ZNF318: variants seen among roughly 807,000 people sequenced by gnomAD.
The protein encoded by ZNF318 is endocrine regulator.
A neutral mutation model predicts 124.2 loss-of-function variants in ZNF318; 51 were observed. That is an observed-to-expected ratio of 0.41 (90% CI 0.33 to 0.52). The LOEUF is 0.52. Among genes scored for constraint, ZNF318 ranks in the 20% least tolerant of loss-of-function variants. The pLI is 0.23. For synonymous variants in ZNF318, 1,090 were observed against 1,040.7 expected (o/e 1.05, Z -0.91); for missense variants, 2,815 against 2,811.2 (o/e 1.00, Z -0.03).
At position 43,336,840 on chromosome 6, in the gene ZNF318, CTA is replaced by C. The variant is rs1230070919; in HGVS notation, c.*316_*317del. 6.4e-6 allele frequency: 1 copy of C among 156,432 alleles called. No homozygotes were observed. The highest frequency in any genetic ancestry group is 1.4e-5 in the Non-Finnish European group (1 of 70,984). 9.7% of individuals were successfully genotyped at this position (156,432 alleles called of 1,614,324 possible). A position where few individuals can be genotyped will look rare whatever the true frequency, so the allele number is the denominator to read the frequency against. The stretch of plus-strand genomic sequence containing the variant: ...AAAGCCAAAATACAATCAAAGCACA[CTA>C]TGTGGTGAGCCAGTTAGACATGTGA... On this transcript the variant is annotated 3_prime_UTR_variant, in exon 10 of 10. Coordinates refer to ENST00000361428, the MANE Select transcript of ZNF318 (RefSeq NM_014345.3).
Position 43,369,175 on chromosome 6 carries a change from C to T in ZNF318, c.191G>A (p.Arg64His). 8.3e-7 allele frequency: 1 copy of T among 1,208,816 alleles called. No homozygotes were observed. The highest frequency in any genetic ancestry group is 1.0e-6 in the Non-Finnish European group (1 of 973,898). 74.9% of individuals were successfully genotyped at this position (1,208,816 alleles called of 1,614,324 possible). A position where few individuals can be genotyped will look rare whatever the true frequency, so the allele number is the denominator to read the frequency against. Residue 64 changes from arginine (R) to histidine (H), a missense_variant, in exon 1 of 10, where the codon CGC becomes CAC. Arg to His is a conservative substitution (Grantham distance 29). Coordinates refer to ENST00000361428, the MANE Select transcript of ZNF318 (RefSeq NM_014345.3). ...CGGGGACGGCGAGGCCCGGCGGCCG[C>T]GGTGCCCTGAGGGCGAGCGGGGTCG... ...ARRPRSPSGH[R>H]GRRASPSPPR...
chr6:43,342,215 T>C lies in ZNF318; in HGVS notation c.3277-4A>G. The stretch of plus-strand genomic sequence containing the variant: ...GTCTGTTGTAGGGATCCAGTGTCTA[T>C]TTGTAAGAGGCAGAGGTGCTCACAC... On this transcript the variant is annotated splice_region_variant and splice_polypyrimidine_tract_variant and intron_variant, in intron 7 of 9. Coordinates refer to ENST00000361428, the MANE Select transcript of ZNF318 (RefSeq NM_014345.3). 8 of 1,608,356 alleles carry C rather than the reference T, an allele frequency of 5.0e-6. No homozygotes were observed. The highest frequency in any genetic ancestry group is 6.8e-6 in the Non-Finnish European group (8 of 1,177,220).
chr6:43,352,274 A>T (rs1399214158), intron 5 of ZNF318, 103 bp downstream of exon 5: 25 of 940,692 alleles, frequency 2.7e-5, no homozygotes, highest in East Asian at 7.8e-5. Flanking sequence ...TCAAAAAAAA[A>T]TTTTTAATGA....
intron 9 of ZNF318, 124 bp from the exon 10 acceptor site, chr6:43,340,626 G>T: frequency 6.6e-7 from 1 of 1,505,476 alleles, no homozygotes; most frequent in Admixed American, 2.3e-5. Context: ...AAGGACATAC[G>T]GGATGCTATC....
intron 5 of ZNF318, 137 bp from the exon 6 acceptor site, chr6:43,348,762 G>GA: frequency 9.8e-7 from 1 of 1,022,320 alleles, no homozygotes; most frequent in Non-Finnish European, 1.4e-6. Context: ...GGCTAGGCGT[G>GA]GTGGCTCATG....
rs368231307 is a variant in ZNF318, at chr6:43,337,324, A to G, written c.6674T>C (p.Val2225Ala). The part of the protein sequence containing the change: ...ASTTEVAILQ[V>A]DDDSGDPLNL... The stretch of plus-strand genomic sequence containing the variant: ...CAGAGGGTCGCCACTGTCATCATCT[A>G]CTTGCAGAATTGCCACCTCTGTGGT... The change falls in exon 10 of 10, where the codon GTA (valine) becomes GCA (alanine). Residue 2225 changes from valine to alanine, a missense_variant. By Grantham distance (64) the Val-to-Ala change is moderately conservative. This residue lies in a region of ZNF318 where 927 missense variants were observed against 820.6 expected (regional missense o/e 1.13). Transcript: ENST00000361428. The G allele has an allele frequency of 1.2e-6, 2 of 1,614,026 alleles. No individual in the cohort carries two copies. The highest frequency in any genetic ancestry group is 2.2e-5 in the East Asian group (1 of 44,890).
chr6:43,353,398 G>A lies in ZNF318; in HGVS notation c.2671-922C>T, dbSNP rs1322731143. On this transcript the variant is annotated intron_variant, in intron 4 of 9. Coordinates refer to ENST00000361428, the MANE Select transcript of ZNF318 (RefSeq NM_014345.3). ...GAACTTTTTTTTTTTTTTTTGAGATGGAATCTTGCTCTGTTGCCCAGGCTG... is the reference window on the plus strand; with the variant it reads ...GAACTTTTTTTTTTTTTTTTGAGATAGAATCTTGCTCTGTTGCCCAGGCTG... Among the ~76,000 whole-genome samples, 3 of 130,104 alleles carry A rather than the reference G, an allele frequency of 2.3e-5. No individual in the cohort carries two copies. In the South Asian group the frequency reaches 7.4e-4, roughly 32 times the overall value. The allele number at this position is 130,104 out of a possible 152,430, so 85.4% of individuals were successfully genotyped here.
chr6:43,348,748 G>T, intron 5 of ZNF318, 123 bp from the exon 6 acceptor site: 1 of 1,175,848 alleles, frequency 8.5e-7, no homozygotes, highest in Non-Finnish European at 1.2e-6. Flanking sequence ...ACGTTTCTAA[G>T]AGTGGCTAGG....
intron 1 of ZNF318, among the ~76,000 whole-genome samples, chr6:43,368,320 A>G (rs1264932076): frequency 6.6e-6 from 1 of 152,184 alleles, no homozygotes; most frequent in East Asian, 1.9e-4. Context: ...ACAACAAGGA[A>G]TAGTATTAAC....
intron 4 of ZNF318, 124 bp from the exon 5 acceptor site, chr6:43,352,600 C>T (rs942206146): frequency 1.3e-6 from 1 of 791,612 alleles, no homozygotes. Flanking sequence ...TGCACACAGG[C>T]TCTGACCTTA....
intron 5 of ZNF318, among the ~76,000 whole-genome samples, chr6:43,349,950 T>TA (rs1210425040): frequency 6.7e-5 from 10 of 148,864 alleles, no homozygotes; most frequent in African/African-American, 1.7e-4. Context: ...CCCTGTCTCT[T>TA]AAAAAAAAAG....
intron 5 of ZNF318, among the ~76,000 whole-genome samples, chr6:43,351,778 C>T (rs1779526851): frequency 6.7e-6 from 1 of 150,098 alleles, no homozygotes; most frequent in Non-Finnish European, 1.5e-5. Flanking sequence ...AAAAAAAGTT[C>T]AGGAAAAATT....
Position 43,369,542 on chromosome 6 carries a change from G to A in ZNF318, c.-177C>T. Reference sequence around the variant, plus strand: ...TCGCCCCGGGGGCCCGGCCGAGCGCGCCCCCGCGGCTGGCGGTTGGAGGGC... The same window carrying A: ...TCGCCCCGGGGGCCCGGCCGAGCGCACCCCCGCGGCTGGCGGTTGGAGGGC... On this transcript the variant is annotated 5_prime_UTR_variant, in exon 1 of 10. Transcript: ENST00000361428. The A allele has an allele frequency of 3.8e-6, 1 of 266,024 alleles. No individual in the cohort carries two copies. Among genetic ancestry groups the A allele is most frequent in the Non-Finnish European group, 5.8e-6 (1 of 172,810 alleles). 16.5% of individuals were successfully genotyped at this position (266,024 alleles called of 1,614,324 possible). A position where few individuals can be genotyped will look rare whatever the true frequency, so the allele number is the denominator to read the frequency against.
chr6:43,337,002 GT>G lies in ZNF318; in HGVS notation c.*155del, dbSNP rs1779288900. The G allele has an allele frequency of 1.8e-6, 1 of 558,522 alleles. No homozygotes were observed. Among genetic ancestry groups the G allele is most frequent in the Non-Finnish European group, 2.8e-6 (1 of 351,862 alleles). The allele number at this position is 558,522 out of a possible 1,614,324, so 34.6% of individuals were successfully genotyped here. A position where few individuals can be genotyped will look rare whatever the true frequency, so the allele number is the denominator to read the frequency against. Reference sequence around the variant, plus strand: ...AAGGGGAAAGGGAAAAGGAAAGGAGGTAAATTTTTTAGCTTCCATGAACATT... The same window carrying G: ...AAGGGGAAAGGGAAAAGGAAAGGAGGAAATTTTTTAGCTTCCATGAACATT... On this transcript the variant is annotated 3_prime_UTR_variant, in exon 10 of 10. Coordinates refer to ENST00000361428, the MANE Select transcript of ZNF318 (RefSeq NM_014345.3).
Position 43,359,456 on chromosome 6 carries a change from CT to C in ZNF318, c.549-1692del, listed in dbSNP as rs1200697930. On this transcript the variant is annotated intron_variant, in intron 2 of 9. Coordinates refer to ENST00000361428, the MANE Select transcript of ZNF318 (RefSeq NM_014345.3). ...TAAATCACAGATAGAAATAAAGATC[CT>C]CTAGCACTTTATGTATGAAAACTTC... is the stretch of plus-strand genomic sequence containing the variant. Among the ~76,000 whole-genome samples, 4 of 152,100 alleles carry C rather than the reference CT, an allele frequency of 2.6e-5. No homozygotes were observed. In the East Asian group the frequency reaches 7.7e-4, roughly 29 times the overall value.
chr6:43,342,173 G>A lies in ZNF318; in HGVS notation c.3315C>T (p.Thr1105=), dbSNP rs1779380464. ...DPYNRPWASK[T]QSEAKQDAIK... ...TGGCATCTTGCTTGGCCTCACTCTG[G>A]GTCTTTGAAGCCCAAGGTCTGTTGT... Residue 1105 remains threonine, a synonymous_variant, in exon 8 of 10, where the codon ACC becomes ACT. Coordinates refer to ENST00000361428, the MANE Select transcript of ZNF318 (RefSeq NM_014345.3). 1 of 1,613,728 alleles carries A rather than the reference G, an allele frequency of 6.2e-7. No homozygotes were observed. The highest frequency in any genetic ancestry group is 8.5e-7 in the Non-Finnish European group (1 of 1,179,834).
chr6:43,336,715 A>C lies in ZNF318; in HGVS notation c.*443T>G, dbSNP rs1779284714. The C allele has an allele frequency of 6.6e-6, 1 of 152,652 alleles. No individual in the cohort carries two copies. Among genetic ancestry groups the C allele is most frequent in the African/African-American group, 2.4e-5 (1 of 41,454 alleles). 9.5% of individuals were successfully genotyped at this position (152,652 alleles called of 1,614,324 possible). On this transcript the variant is annotated 3_prime_UTR_variant, in exon 10 of 10. Coordinates refer to ENST00000361428, the MANE Select transcript of ZNF318 (RefSeq NM_014345.3). ...GCAAGCTTTCTGGTGTTTTTCCCAG[A>C]GATGCATCAACTGCCCAGGAAATTG...
At chr6:43,353,794 A>G (rs1008536234) in intron 4 of ZNF318, among the ~76,000 whole-genome samples, 2 of 152,248 alleles carry the variant, frequency 1.3e-5, no homozygotes, top group Non-Finnish European at 2.9e-5. Context: ...TCTTCCACTC[A>G]AAATTCTTCT....
At chr6:43,360,697 T>C (rs1225130796) in intron 2 of ZNF318, among the ~76,000 whole-genome samples, 1 of 152,154 alleles carries the variant, frequency 6.6e-6, no homozygotes. Flanking sequence ...ATGTTATCCA[T>C]TCATTCACCA....
Sources: allele counts gnomAD v4.1 joint callset (sites outside exome capture counted in the v4.1 genomes callset), GRCh38; gene constraint gnomAD v4.1.1; regional missense constraint gnomAD v4.1.1; transcripts MANE v1.5; gene names NCBI Gene and HGNC (gene_info 2026-07-23, HGNC 2026-07-21).